Variants in LMX1B observed in about 807,000 individuals in gnomAD.
LMX1B encodes the protein LIM homeobox transcription factor 1-beta.
In LMX1B, 12 loss-of-function variants were observed where a neutral mutation model predicts 51.4. The ratio of observed to expected loss-of-function variants is 0.23; its 90% CI spans 0.15 to 0.38. The LOEUF (loss-of-function observed/expected upper bound fraction) is 0.38. Among genes scored for constraint, LMX1B ranks in the 10% least tolerant of loss-of-function variants. The probability of loss-of-function intolerance (pLI) is 1.00; values close to 1 mark genes in which losing one functional copy is unlikely to be tolerated. For missense variants in LMX1B, 445 were observed against 571.1 expected, an observed-to-expected ratio of 0.78 and a Z score of 2.25; for synonymous variants, 237 against 235.4, an observed-to-expected ratio of 1.01 and a Z score of -0.06.
chr9:126,623,100 G>A (rs1035076151), intron 2 of LMX1B, among the ~76,000 whole-genome samples: 11 of 152,242 alleles, frequency 7.2e-5, no homozygotes, highest in Admixed American at 2.0e-4. Flanking sequence ...CTGCGTGGGA[G>A]GCCCAGAAAG....
chr9:126,683,658 G>T (rs1197654076), intron 2 of LMX1B, among the ~76,000 whole-genome samples: 2 of 152,216 alleles, frequency 1.3e-5, no homozygotes, highest in African/African-American at 4.8e-5. Flanking sequence ...TGTCCGACAT[G>T]CTCTACAGCC....
At position 126,699,191 on chromosome 9, in the gene LMX1B, CTTATT is replaced by C. The variant is rs2030453897; in HGVS notation, c.*2745_*2749del. The C allele has an allele frequency of 6.6e-6, 1 of 152,368 alleles. No individual in the cohort carries two copies. The highest frequency in any genetic ancestry group is 6.5e-5 in the Admixed American group (1 of 15,304). 9.4% of individuals were successfully genotyped at this position (152,368 alleles called of 1,614,324 possible). A position where few individuals can be genotyped will look rare whatever the true frequency, so the allele number is the denominator to read the frequency against. Reference sequence around the variant, plus strand: ...TCAGAAGCGGTCATCTCATCTGCCCCTTATTTTATAGTTGGAAACCCTGAGGCAAG... The same window carrying C: ...TCAGAAGCGGTCATCTCATCTGCCCCTTATAGTTGGAAACCCTGAGGCAAG... On this transcript the variant is annotated 3_prime_UTR_variant, in exon 8 of 8. Coordinates refer to ENST00000373474, the MANE Select transcript of LMX1B (RefSeq NM_001174147.2).
chr9:126,661,212 C>T (rs1281557802), intron 2 of LMX1B, among the ~76,000 whole-genome samples: 2 of 151,498 alleles, frequency 1.3e-5, no homozygotes, highest in African/African-American at 4.9e-5. Context: ...CCACGCAGGG[C>T]GACCTCTCAG....
rs992587822 is a variant in LMX1B at position 126,677,856 on chromosome 9, A to G, written c.327-12980A>G. Reference sequence around the variant, plus strand: ...AAGAGACTGGGTAGTAAGGCCCTCCATGACTGGGCTAACAAAGTTGGTGCT... The same window carrying G: ...AAGAGACTGGGTAGTAAGGCCCTCCGTGACTGGGCTAACAAAGTTGGTGCT... On this transcript the variant is annotated intron_variant, in intron 2 of 7. Coordinates refer to ENST00000373474, the MANE Select transcript of LMX1B (RefSeq NM_001174147.2). This position sits in a 1 kb window ranked among gnomAD's most constrained non-coding sequence, Gnocchi z 5.0. Among the ~76,000 whole-genome samples, 1 of 152,216 alleles carries G rather than the reference A, an allele frequency of 6.6e-6. No individual in the cohort carries two copies. Among genetic ancestry groups the G allele is most frequent in the Non-Finnish European group, 1.5e-5 (1 of 68,026 alleles).
chr9:126,649,458 C>T (rs576673570), intron 2 of LMX1B, among the ~76,000 whole-genome samples: 30 of 152,294 alleles, frequency 2.0e-4, no homozygotes, highest in African/African-American at 5.1e-4. Context: ...TCAAGCAGGC[C>T]TCAGAATCCC....
chr9:126,679,687 ACTCCAACCTGACCACTGT>A (rs1836636997), intron 2 of LMX1B, among the ~76,000 whole-genome samples: 1 of 151,936 alleles, frequency 6.6e-6, no homozygotes, highest in Non-Finnish European at 1.5e-5. Context: ...TCTCGCCCAC[ACTCCAACCTGACCACTGT>A]CTCCAACCTG....
In LMX1B at chr9:126,671,219, G is replaced by T. The variant is rs1191348659; in HGVS notation, c.327-19617G>T. ...TTCGCCACCGCCGAGCTCTGAGCTG[G>T]GGGGAGGGGACCCCGCTCGGAAATC... On this transcript the variant is annotated intron_variant, in intron 2 of 7. Coordinates refer to ENST00000373474, the MANE Select transcript of LMX1B (RefSeq NM_001174147.2). The surrounding 1 kb of genome is among the most constrained non-coding windows in gnomAD (Gnocchi z 4.4). 6.6e-6 allele frequency among the ~76,000 whole-genome samples: 1 copy of T among 152,216 alleles called. No individual in the cohort carries two copies. The highest frequency in any genetic ancestry group is 1.5e-5 in the Non-Finnish European group (1 of 68,038).
chr9:126,649,685 G>T (rs1835964644), intron 2 of LMX1B, among the ~76,000 whole-genome samples: 1 of 152,176 alleles, frequency 6.6e-6, no homozygotes, highest in South Asian at 2.1e-4. Context: ...GAGTGCAGTG[G>T]CGCAGTCTTG....
At position 126,695,738 on chromosome 9, in the gene LMX1B, G is replaced by C. The variant is rs989087835; in HGVS notation, c.887-101G>C. On this transcript the variant is annotated intron_variant, in intron 6 of 7. Transcript: ENST00000373474. This position sits in a 1 kb window ranked among gnomAD's most constrained non-coding sequence, Gnocchi z 5.2. Reference sequence around the variant, plus strand: ...GTCTGGACAGCTTCAGCCAGAGTGGGGTGCCTGGGGAGTCCCAAGGAGATC... The same window carrying C: ...GTCTGGACAGCTTCAGCCAGAGTGGCGTGCCTGGGGAGTCCCAAGGAGATC... 49 of 1,348,728 alleles carry C rather than the reference G, an allele frequency of 3.6e-5. No individual in the cohort carries two copies. Among genetic ancestry groups the C allele is most frequent in the Non-Finnish European group, 4.9e-5 (47 of 960,674 alleles). 83.5% of individuals were successfully genotyped at this position (1,348,728 alleles called of 1,614,324 possible).
chr9:126,673,474 C>A lies in LMX1B; in HGVS notation c.327-17362C>A, dbSNP rs1588294736. Among the ~76,000 whole-genome samples the A allele has an allele frequency of 6.6e-6, 1 of 152,252 alleles. No homozygotes were observed. The highest frequency in any genetic ancestry group is 1.9e-4 in the East Asian group (1 of 5,178). On this transcript the variant is annotated intron_variant, in intron 2 of 7. Coordinates refer to ENST00000373474, the MANE Select transcript of LMX1B (RefSeq NM_001174147.2). This position sits in a 1 kb window ranked among gnomAD's most constrained non-coding sequence, Gnocchi z 4.4. ...TAGAAAGAGGCTAACCCAGGGCTCC[C>A]TCAGGTAGGGCAGAAGGTAGCTTTT...
At chr9:126,692,937 A>T (rs943493255) in intron 3 of LMX1B, among the ~76,000 whole-genome samples, 1 of 152,192 alleles carries the variant, frequency 6.6e-6, no homozygotes, top group African/African-American at 2.4e-5. Flanking sequence ...CGCAGGGTAC[A>T]GCAGGCAGGA....
At chr9:126,637,988 C>G (rs868603498) in intron 2 of LMX1B, among the ~76,000 whole-genome samples, 27 of 152,114 alleles carry the variant, frequency 1.8e-4, no homozygotes, top group Non-Finnish European at 1.9e-4. Context: ...CGCACAATCC[C>G]CACTCCTCCC....
At chr9:126,656,276 G>A (rs1394370622) in intron 2 of LMX1B, among the ~76,000 whole-genome samples, 1 of 152,188 alleles carries the variant, frequency 6.6e-6, no homozygotes, top group African/African-American at 2.4e-5. Context: ...CAGGCCGGAT[G>A]CAGTAGCTCA....
chr9:126,678,959 C>T (rs773792851), intron 2 of LMX1B, among the ~76,000 whole-genome samples: 2 of 152,190 alleles, frequency 1.3e-5, no homozygotes, highest in Non-Finnish European at 2.9e-5. Context: ...ATGCTATGGT[C>T]TATGTGCAGC....
chr9:126,635,784 CCTGA>C (rs1338685742), intron 2 of LMX1B, among the ~76,000 whole-genome samples: 6 of 152,182 alleles, frequency 3.9e-5, no homozygotes, highest in Admixed American at 6.5e-5. Flanking sequence ...TGGATTAGGG[CCTGA>C]CTAAGTAGCA....
At chr9:126,688,332 C>G (rs1364727575) in intron 2 of LMX1B, among the ~76,000 whole-genome samples, 4 of 152,368 alleles carry the variant, frequency 2.6e-5, no homozygotes, top group Non-Finnish European at 4.4e-5. Context: ...CTGCCCCTTC[C>G]CCAGCCTAAG....
intron 2 of LMX1B, among the ~76,000 whole-genome samples, chr9:126,666,063 A>AC (rs1239434844): frequency 6.6e-6 from 1 of 152,144 alleles, no homozygotes; most frequent in African/African-American, 2.4e-5. Context: ...CGCCTCAGTA[A>AC]CCCTCAGAAC....
chr9:126,624,010 C>T (rs896923660), intron 2 of LMX1B, among the ~76,000 whole-genome samples: 3 of 152,222 alleles, frequency 2.0e-5, no homozygotes, highest in East Asian at 1.9e-4. Context: ...GCACCAGCGG[C>T]GGTTGATGAA....
At chr9:126,638,541 T>A (rs2118875797) in intron 2 of LMX1B, among the ~76,000 whole-genome samples, 1 of 152,290 alleles carries the variant, frequency 6.6e-6, no homozygotes, top group East Asian at 1.9e-4. Flanking sequence ...TCGCAGAGAT[T>A]TGTCTTGTCT....
Sources: allele counts gnomAD v4.1 joint callset (sites outside exome capture counted in the v4.1 genomes callset), GRCh38; gene constraint gnomAD v4.1.1; non-coding constraint Gnocchi (gnomAD v3.1); transcripts MANE v1.5; gene names NCBI Gene and HGNC (gene_info 2026-07-23, HGNC 2026-07-21).